MSN: variants seen among roughly 807,000 people sequenced by gnomAD.
MSN encodes epididymis luminal protein 70.
MSN carries 2 observed loss-of-function variants against 48.0 expected under a neutral mutation model. The ratio of observed to expected loss-of-function variants is 0.04; its 90% CI spans 0.02 to 0.13. The LOEUF (loss-of-function observed/expected upper bound fraction) is 0.13, where lower values mean the gene tolerates loss of function less well. Ranked by LOEUF, MSN falls within the 10% of genes least tolerant of loss-of-function variation. The pLI is 1.00. For synonymous variants in MSN, 146 were observed against 166.9 expected (o/e 0.87, Z 0.97); for missense variants, 267 against 470.1 (o/e 0.57, Z 3.99).
rs113510736 is a variant in MSN at position 65,711,996 on chromosome X, A to G, written c.13-4822A>G. ...CTAAAAAGCCCACTGCCCCCTTTCT[A>G]TTCTCTCCTGTCCCTTCAGTCATTG... On this transcript the variant is annotated intron_variant, in intron 1 of 12. Coordinates refer to ENST00000360270, the MANE Select transcript of MSN (RefSeq NM_002444.3). Among the ~76,000 whole-genome samples, 793 of 111,242 alleles carry G rather than the reference A, an allele frequency of 7.1e-3. 10 individuals are homozygous for G. The highest frequency in any genetic ancestry group is 0.025 in the African/African-American group (752 of 30,565).
chrX:65,684,502 G>T (rs1438844713), intron 1 of MSN, among the ~76,000 whole-genome samples: 2 of 107,262 alleles, frequency 1.9e-5, no homozygotes, highest in African/African-American at 6.8e-5. Context: ...GCAATGGCGC[G>T]ATCTCGGCTC....
chrX:65,732,113 A>G, intron 6 of MSN, 129 bp downstream of exon 6: 1 of 701,236 alleles, frequency 1.4e-6, no homozygotes, highest in Middle Eastern at 3.3e-4. Flanking sequence ...AGTCCAGCCC[A>G]GATGATTTCA....
At chrX:65,602,313 T>A (rs2070242558) in intron 1 of MSN, among the ~76,000 whole-genome samples, 1 of 111,354 alleles carries the variant, frequency 9.0e-6, no homozygotes, top group Non-Finnish European at 1.9e-5. Context: ...TAGGATGTCC[T>A]CCATCTGTTT....
At chrX:65,739,361 T>C (rs1281590351) in intron 12 of MSN, among the ~76,000 whole-genome samples, 167 bp downstream of exon 12, 2 of 111,976 alleles carry the variant, frequency 1.8e-5, no homozygotes, top group Non-Finnish European at 3.8e-5. Flanking sequence ...CTCTCACTTA[T>C]TAATCAGACC....
intron 1 of MSN, among the ~76,000 whole-genome samples, chrX:65,634,495 C>T (rs1055468431): frequency 3.6e-5 from 4 of 110,743 alleles, no homozygotes; most frequent in Non-Finnish European, 7.6e-5. Flanking sequence ...CACCTGTCAT[C>T]CCAGCCACTC....
At chrX:65,651,975 G>A (rs761104273) in intron 1 of MSN, among the ~76,000 whole-genome samples, 1 of 107,470 alleles carries the variant, frequency 9.3e-6, no homozygotes, top group East Asian at 3.1e-4. Context: ...CCCAGGCCAG[G>A]CATGGTGGCT....
At chrX:65,722,242 G>C (rs2071524149) in intron 2 of MSN, among the ~76,000 whole-genome samples, 1 of 111,467 alleles carries the variant, frequency 9.0e-6, no homozygotes, top group Admixed American at 9.5e-5. Context: ...GCAATAATTT[G>C]CTTTCAGGTG....
chrX:65,720,018 T>C (rs1222654489), intron 2 of MSN, among the ~76,000 whole-genome samples: 2 of 111,508 alleles, frequency 1.8e-5, no homozygotes, highest in Middle Eastern at 4.2e-3. Flanking sequence ...CCTGGGCAGA[T>C]TGGTATGCTA....
At chrX:65,677,215 G>A (rs1301014799) in intron 1 of MSN, among the ~76,000 whole-genome samples, 1 of 111,503 alleles carries the variant, frequency 9.0e-6, no homozygotes, top group Non-Finnish European at 1.9e-5. Flanking sequence ...TTTAACTGAG[G>A]TTGACTAATC....
chrX:65,620,203 A>C (rs2070423551), intron 1 of MSN, among the ~76,000 whole-genome samples: 1 of 112,677 alleles, frequency 8.9e-6, no homozygotes, highest in Non-Finnish European at 1.9e-5. Flanking sequence ...CTACAGAGGC[A>C]GGCTGGCCTC....
intron 1 of MSN, among the ~76,000 whole-genome samples, chrX:65,592,062 G>C (rs7053565): frequency 0.23 from 25,262 of 108,965 alleles, 7,228 homozygotes; most frequent in African/African-American, 0.8. Context: ...ATTGCTCCCC[G>C]TACTGCTCCT....
At chrX:65,592,502 C>T (rs1306020998) in intron 1 of MSN, among the ~76,000 whole-genome samples, 1 of 109,881 alleles carries the variant, frequency 9.1e-6, no homozygotes, top group Non-Finnish European at 1.9e-5. Flanking sequence ...TCTCTCTCTT[C>T]ATCCCATTTT....
chrX:65,610,470 A>G (rs1355486248), intron 1 of MSN, among the ~76,000 whole-genome samples: 1 of 112,624 alleles, frequency 8.9e-6, no homozygotes, highest in African/African-American at 3.2e-5. Flanking sequence ...ATTCCATTGT[A>G]TGTATATACC....
Position 65,716,849 on chromosome X carries a change from A to G in MSN, c.44A>G (p.Glu15Gly). ...GTGCGTGTGACCACCATGGATGCAG[A>G]GCTGGAGTTTGCCATCCAGCCCAAC... Reference protein sequence around the residue: ...ISVRVTTMDAELEFAIQPNTT... With the variant: ...ISVRVTTMDAGLEFAIQPNTT... The change falls in exon 2 of 13, where the codon GAG (glutamate) becomes GGG (glycine). Residue 15 changes from glutamate (E) to glycine (G), a missense_variant. Glu to Gly is a moderately conservative substitution (Grantham distance 98). Around this residue, in one of 5 missense-constraint regions of MSN, gnomAD observed 89 missense variants for 151.0 expected, o/e 0.59. Coordinates refer to ENST00000360270, the MANE Select transcript of MSN (RefSeq NM_002444.3). The G allele has an allele frequency of 8.3e-7, 1 of 1,210,552 alleles. No homozygotes were observed. The highest frequency in any genetic ancestry group is 1.1e-6 in the Non-Finnish European group (1 of 895,143).
chrX:65,734,974 C>T, intron 7 of MSN, among the ~76,000 whole-genome samples: 1 of 111,733 alleles, frequency 8.9e-6, no homozygotes, highest in Non-Finnish European at 1.9e-5. Flanking sequence ...ATTTAGGATG[C>T]TTTCACAAGC....
chrX:65,599,044 T>TGGGA (rs749878797), intron 1 of MSN, among the ~76,000 whole-genome samples: 1 of 110,901 alleles, frequency 9.0e-6, no homozygotes, highest in East Asian at 2.8e-4. Flanking sequence ...CCCGGCACTT[T>TGGGA]GGGAGGCTGA....
chrX:65,591,216 T>C (rs2070144285), intron 1 of MSN, among the ~76,000 whole-genome samples: 1 of 111,836 alleles, frequency 8.9e-6, no homozygotes, highest in Non-Finnish European at 1.9e-5. Flanking sequence ...TGATATCTTA[T>C]CCTTTGGCTT....
chrX:65,642,149 A>AG (rs2070660723), intron 1 of MSN, among the ~76,000 whole-genome samples: 1 of 108,615 alleles, frequency 9.2e-6, no homozygotes, highest in African/African-American at 3.3e-5. Flanking sequence ...AAAAAAAAAA[A>AG]AAAAGAAAGA....
At chrX:65,665,634 G>A (rs1481861816), upstream of MSN, among the ~76,000 whole-genome samples, 1 of 111,727 alleles carries the variant, frequency 9.0e-6, no homozygotes, top group African/African-American at 3.3e-5. Flanking sequence ...CAGCCCATAT[G>A]CAATCCTGTT....
Sources: allele counts gnomAD v4.1 joint callset (sites outside exome capture counted in the v4.1 genomes callset), GRCh38; gene constraint gnomAD v4.1.1; regional missense constraint gnomAD v4.1.1; transcripts MANE v1.5; gene names NCBI Gene and HGNC (gene_info 2026-07-23, HGNC 2026-07-21).